TMEM132D: variants seen among roughly 807,000 people sequenced by gnomAD.
The protein encoded by TMEM132D is transmembrane protein 132D.
In TMEM132D, 21 loss-of-function variants were observed where a neutral mutation model predicts 62.3. That is an observed-to-expected ratio of 0.34 (90% CI 0.24 to 0.49). TMEM132D has a LOEUF of 0.49. Ranked by LOEUF, TMEM132D falls within the 20% of genes least tolerant of loss-of-function variation. The pLI, the probability that TMEM132D is intolerant of heterozygous loss-of-function variation, is 0.99. For missense variants in TMEM132D, 1,346 were observed against 1,402.8 expected, an observed-to-expected ratio of 0.96 and a Z score of 0.65; for synonymous variants, 621 against 575.6, an observed-to-expected ratio of 1.08 and a Z score of -1.13.
intron 4 of TMEM132D, among the ~76,000 whole-genome samples, chr12:129,286,855 C>T (rs1479215261): frequency 6.6e-6 from 1 of 152,084 alleles, no homozygotes; most frequent in Non-Finnish European, 1.5e-5. Context: ...TGAGACCAGC[C>T]AGGCCAACAT....
chr12:129,896,411 T>A (rs1160449465), intron 1 of TMEM132D, among the ~76,000 whole-genome samples: 1 of 152,234 alleles, frequency 6.6e-6, no homozygotes, highest in Non-Finnish European at 1.5e-5. Flanking sequence ...TGTCGCCATC[T>A]GTTTTGATAT....
At chr12:129,203,684 T>C (rs1468883823) in intron 5 of TMEM132D, among the ~76,000 whole-genome samples, 1 of 152,198 alleles carries the variant, frequency 6.6e-6, no homozygotes, top group East Asian at 1.9e-4. Context: ...TTGCCTCCCA[T>C]AGCCAGACGT....
At chr12:129,484,386 G>T (rs1488856706) in intron 3 of TMEM132D, among the ~76,000 whole-genome samples, 3 of 152,138 alleles carry the variant, frequency 2.0e-5, no homozygotes, top group African/African-American at 2.4e-5. Flanking sequence ...TCTCTACAGG[G>T]CTAGGCACAC....
At chr12:129,172,708 A>G (rs373559892) in intron 5 of TMEM132D, among the ~76,000 whole-genome samples, 118 of 152,258 alleles carry the variant, frequency 7.7e-4, no homozygotes, top group African/African-American at 2.6e-3. Flanking sequence ...CCTCCTGAGT[A>G]GCTGGGATTA....
At chr12:129,390,744 C>A (rs553764521) in intron 3 of TMEM132D, among the ~76,000 whole-genome samples, 1 of 152,254 alleles carries the variant, frequency 6.6e-6, no homozygotes, top group South Asian at 2.1e-4. Context: ...GTCCATGTCA[C>A]CTGACCCTAC....
At chr12:129,760,341 T>C (rs1240165362) in intron 1 of TMEM132D, among the ~76,000 whole-genome samples, 1 of 74,100 alleles carries the variant, frequency 1.3e-5, no homozygotes, top group Non-Finnish European at 3.3e-5. Flanking sequence ...TTTTTTTTTT[T>C]TTTTTTTTGA....
intron 1 of TMEM132D, among the ~76,000 whole-genome samples, chr12:129,753,338 G>T (rs1231317948): frequency 6.6e-6 from 1 of 152,214 alleles, no homozygotes; most frequent in East Asian, 1.9e-4. Context: ...GCAATGTGGA[G>T]AGGCTTTAAA....
rs143302317 is a variant in TMEM132D, at chr12:129,343,226, G to C, written c.1116-5409C>G. 9.4e-3 allele frequency among the ~76,000 whole-genome samples: 1,433 copies of C among 152,240 alleles called. 10 individuals carry two copies. The highest frequency in any genetic ancestry group is 0.03 in the East Asian group (154 of 5,176). ...ATTAAGAAAATGTGGCACATATACA[G>C]CATGGAATACTATGCAGCCATAAAA... is the stretch of plus-strand genomic sequence containing the variant. On this transcript the variant is annotated intron_variant, in intron 3 of 8. Coordinates refer to ENST00000422113, the MANE Select transcript of TMEM132D (RefSeq NM_133448.3).
intron 4 of TMEM132D, among the ~76,000 whole-genome samples, chr12:129,287,730 G>A (rs559933404): frequency 1.1e-5 from 1 of 88,472 alleles, no homozygotes; most frequent in Non-Finnish European, 2.8e-5. Flanking sequence ...AACTTTCATG[G>A]TATTCATGTT....
At chr12:129,206,379 A>G (rs867625414) in intron 5 of TMEM132D, among the ~76,000 whole-genome samples, 46 of 152,370 alleles carry the variant, frequency 3.0e-4, no homozygotes, top group African/African-American at 1.0e-3. Context: ...CATTTGAGAA[A>G]TGCAAATCAA....
At chr12:129,406,551 C>T (rs879719944) in intron 3 of TMEM132D, among the ~76,000 whole-genome samples, 16 of 150,100 alleles carry the variant, frequency 1.1e-4, no homozygotes, top group Non-Finnish European at 2.4e-4. Context: ...ACCCGGGAGG[C>T]GGAGGTTGCA....
chr12:129,436,009 T>A (rs1872776887), intron 3 of TMEM132D, among the ~76,000 whole-genome samples: 1 of 152,180 alleles, frequency 6.6e-6, no homozygotes, highest in Admixed American at 6.5e-5. Context: ...GGAACAGCTC[T>A]TTGAATATGG....
chr12:129,356,940 G>GA (rs1357847619), intron 3 of TMEM132D, among the ~76,000 whole-genome samples: 2 of 143,586 alleles, frequency 1.4e-5, no homozygotes, highest in African/African-American at 2.7e-5. Context: ...GAGAGGGGAG[G>GA]GGAGGGGAGG....
intron 1 of TMEM132D, among the ~76,000 whole-genome samples, chr12:129,898,572 G>A (rs56205552): frequency 2.3e-3 from 345 of 152,326 alleles, no homozygotes; most frequent in Non-Finnish European, 4.2e-3. Context: ...CAGTCCATCC[G>A]GTAACGCCAG....
chr12:129,523,180 T>TAG (rs1022374564), intron 3 of TMEM132D, among the ~76,000 whole-genome samples: 18 of 152,316 alleles, frequency 1.2e-4, no homozygotes, highest in African/African-American at 4.3e-4. Context: ...TGAAGACAGA[T>TAG]AGTAGCACAT....
chr12:129,772,109 TA>T (rs199847179), intron 1 of TMEM132D, among the ~76,000 whole-genome samples: 40 of 149,730 alleles, frequency 2.7e-4, no homozygotes, highest in Non-Finnish European at 4.0e-4. Flanking sequence ...GAAGCCTTTT[TA>T]AAAAAAAAAA....
chr12:129,440,370 T>C (rs936313763), intron 3 of TMEM132D, among the ~76,000 whole-genome samples: 1 of 152,146 alleles, frequency 6.6e-6, no homozygotes, highest in African/African-American at 2.4e-5. Context: ...TTCCAGAGAC[T>C]GGATGCTACA....
At chr12:129,259,135 C>A (rs79766867) in intron 4 of TMEM132D, among the ~76,000 whole-genome samples, 1 of 152,306 alleles carries the variant, frequency 6.6e-6, no homozygotes, top group East Asian at 1.9e-4. Context: ...AAGGCCATTT[C>A]CTTCATGGTT....
At chr12:129,805,106 G>C (rs908975910) in intron 1 of TMEM132D, among the ~76,000 whole-genome samples, 12 of 149,364 alleles carry the variant, frequency 8.0e-5, no homozygotes, top group South Asian at 2.2e-4. Context: ...CGTGAAAATG[G>C]CCATACTGCC....
Sources: gnomAD v4.1 joint callset for allele counts (sites outside exome capture counted in the v4.1 genomes callset) on GRCh38, gnomAD v4.1.1 for gene constraint, MANE v1.5 for transcripts, NCBI Gene and HGNC (gene_info 2026-07-23, HGNC 2026-07-21) for gene names.